Variants in ARL5A observed in about 807,000 individuals in gnomAD.
ARL5A encodes the protein ADP-ribosylation factor-like protein 5A.
In ARL5A, 18 loss-of-function variants were observed where a neutral mutation model predicts 25.9. The observed-to-expected ratio is 0.69, with a 90% confidence interval of 0.48 to 1.03. The LOEUF (loss-of-function observed/expected upper bound fraction) is 1.03, where lower values mean the gene tolerates loss of function less well. ARL5A is among the 50% of genes least tolerant of loss of function. The probability of loss-of-function intolerance (pLI) is 0.00; values close to 1 mark genes in which losing one functional copy is unlikely to be tolerated. For missense variants in ARL5A, 170 were observed against 211.9 expected, an observed-to-expected ratio of 0.80 and a Z score of 1.23; for synonymous variants, 61 against 67.5, an observed-to-expected ratio of 0.90 and a Z score of 0.47.
chr2:151,811,996 A>C (rs181924835), intron 4 of ARL5A, among the ~76,000 whole-genome samples: 176 of 152,342 alleles, frequency 1.2e-3, no homozygotes, highest in African/African-American at 4.2e-3. Context: ...ACAATCAAGA[A>C]TTGCTAAGCA....
At chr2:151,815,934 C>A (rs373365408) in intron 1 of ARL5A, among the ~76,000 whole-genome samples, 1 of 151,072 alleles carries the variant, frequency 6.6e-6, no homozygotes, top group Non-Finnish European at 1.5e-5. Context: ...CCAGCCTGTC[C>A]GAAAGCAATT....
intron 2 of ARL5A, among the ~76,000 whole-genome samples, chr2:151,814,581 C>T (rs80081608): frequency 0.013 from 2,015 of 151,802 alleles, 43 homozygotes; most frequent in East Asian, 0.061. Flanking sequence ...TTACCCAGGC[C>T]GGAGTGTAGT....
At chr2:151,808,064 T>C (rs1045629149) in intron 4 of ARL5A, among the ~76,000 whole-genome samples, 2 of 152,142 alleles carry the variant, frequency 1.3e-5, no homozygotes, top group Admixed American at 1.3e-4. Context: ...AACACACATA[T>C]GCATATACAC....
intron 1 of ARL5A, among the ~76,000 whole-genome samples, chr2:151,819,860 C>T (rs1274098684): frequency 2.0e-5 from 3 of 151,776 alleles, no homozygotes; most frequent in African/African-American, 7.3e-5. Context: ...TCAAGACCAG[C>T]CTGGCCAAGA....
In ARL5A at chr2:151,802,205, CCTTA is replaced by C. The variant is rs2099829517; in HGVS notation, c.*1067_*1070del. The stretch of plus-strand genomic sequence containing the variant: ...ATTATCAATGTTGCTCAGAAACATG[CCTTA>C]CTTTTACTCTGAAATTCACTTTAAC... On this transcript the variant is annotated 3_prime_UTR_variant, in exon 6 of 6. Coordinates refer to ENST00000295087, the MANE Select transcript of ARL5A (RefSeq NM_012097.4). 1 of 151,956 alleles carries C rather than the reference CCTTA, an allele frequency of 6.6e-6. No individual in the cohort carries two copies. The highest frequency in any genetic ancestry group is 2.4e-5 in the African/African-American group (1 of 41,408). The allele number at this position is 151,956 out of a possible 1,614,324, so 9.4% of individuals were successfully genotyped here.
At chr2:151,828,017 C>G (rs1451914580) in intron 1 of ARL5A, 114 bp downstream of exon 1, 22 of 1,176,470 alleles carry the variant, frequency 1.9e-5, no homozygotes, top group Non-Finnish European at 2.6e-5. Flanking sequence ...GCACCCCGCG[C>G]TGAGCTGGCG....
At chr2:151,811,941 G>T (rs939697058) in intron 4 of ARL5A, among the ~76,000 whole-genome samples, 2 of 152,158 alleles carry the variant, frequency 1.3e-5, no homozygotes, top group Non-Finnish European at 2.9e-5. Context: ...GACAATATCA[G>T]AGAAACCTAA....
At chr2:151,812,485 A>G (rs2099830965) in intron 3 of ARL5A, 45 bp from the exon 4 acceptor site, 2 of 1,288,924 alleles carry the variant, frequency 1.6e-6, no homozygotes, top group Non-Finnish European at 2.1e-6. Context: ...ACAATTTGGT[A>G]TCTGTAAAAT....
intron 3 of ARL5A, 152 bp downstream of exon 3, chr2:151,814,017 A>T: frequency 1.7e-6 from 1 of 601,616 alleles, no homozygotes. Flanking sequence ...TTGAACAATG[A>T]CCTTGGAATA....
At chr2:151,804,146 A>G (rs1199397346) in intron 5 of ARL5A, among the ~76,000 whole-genome samples, 4 of 152,204 alleles carry the variant, frequency 2.6e-5, no homozygotes, top group Non-Finnish European at 4.4e-5. Flanking sequence ...GTAGTTATTA[A>G]AACAAAGTAT....
intron 1 of ARL5A, among the ~76,000 whole-genome samples, chr2:151,826,284 A>C (rs1018461079): frequency 6.6e-6 from 1 of 152,230 alleles, no homozygotes; most frequent in Non-Finnish European, 1.5e-5. Flanking sequence ...TCTAGAACTT[A>C]ACTTCATTAA....
At chr2:151,820,683 A>AAC (rs1553734205) in intron 1 of ARL5A, among the ~76,000 whole-genome samples, 5 of 150,886 alleles carry the variant, frequency 3.3e-5, no homozygotes, top group Non-Finnish European at 1.5e-5. Flanking sequence ...AAAAAAAAAA[A>AAC]AACAGAATCC....
Position 151,828,119 on chromosome 2 carries a change from C to T in ARL5A, c.46+12G>A. On this transcript the variant is annotated intron_variant, in intron 1 of 5. Transcript: ENST00000295087. Reference sequence around the variant, plus strand: ...CTCCCCAACCCGTACGCCCGCGGACCGAGCTCCTCACCCTGGTGATTGAAC... The same window carrying T: ...CTCCCCAACCCGTACGCCCGCGGACTGAGCTCCTCACCCTGGTGATTGAAC... 1 of 1,609,324 alleles carries T rather than the reference C, an allele frequency of 6.2e-7. No individual in the cohort carries two copies. Among genetic ancestry groups the T allele is most frequent in the Non-Finnish European group, 8.5e-7 (1 of 1,177,724 alleles).
At chr2:151,804,343 T>C (rs2099829811) in intron 5 of ARL5A, among the ~76,000 whole-genome samples, 2 of 152,198 alleles carry the variant, frequency 1.3e-5, no homozygotes, top group African/African-American at 2.4e-5. Context: ...TTGTACACAT[T>C]AAGTTGCAAT....
At position 151,803,073 on chromosome 2, in the gene ARL5A, T is replaced by C. The variant is rs1578369586; in HGVS notation, c.*203A>G. On this transcript the variant is annotated 3_prime_UTR_variant, in exon 6 of 6. Coordinates refer to ENST00000295087, the MANE Select transcript of ARL5A (RefSeq NM_012097.4). ...AATGTCAATCACAGCTTCAATAACT[T>C]ACTTTGGAAAAAACTAATGAGAAAG... 4 of 525,434 alleles carry C rather than the reference T, an allele frequency of 7.6e-6. No homozygotes were observed. The highest frequency in any genetic ancestry group is 1.4e-5 in the Non-Finnish European group (4 of 292,662). The allele number at this position is 525,434 out of a possible 1,614,324, so 32.5% of individuals were successfully genotyped here.
intron 4 of ARL5A, among the ~76,000 whole-genome samples, chr2:151,808,187 C>A (rs968498923): frequency 6.6e-6 from 1 of 152,162 alleles, no homozygotes; most frequent in East Asian, 1.9e-4. Flanking sequence ...GCAAGTGAAA[C>A]CCTCATAAAA....
At chr2:151,803,376 G>T in intron 5 of ARL5A, 52 bp from the exon 6 acceptor site, 1 of 1,338,206 alleles carries the variant, frequency 7.5e-7, no homozygotes, top group Non-Finnish European at 1.1e-6. Context: ...GAAGCTATGA[G>T]CAGCAAACTA....
At chr2:151,813,075 T>A (rs897278607) in intron 3 of ARL5A, among the ~76,000 whole-genome samples, 2 of 152,192 alleles carry the variant, frequency 1.3e-5, no homozygotes, top group African/African-American at 4.8e-5. Flanking sequence ...CTCAACTCCG[T>A]GAGCACCCAA....
chr2:151,825,217 A>G (rs978606904), intron 1 of ARL5A, among the ~76,000 whole-genome samples: 1 of 152,082 alleles, frequency 6.6e-6, no homozygotes, highest in African/African-American at 2.4e-5. Context: ...GCTCTTCTAT[A>G]AAAAAAAGTT....
Sources: allele counts gnomAD v4.1 joint callset (sites outside exome capture counted in the v4.1 genomes callset), GRCh38; gene constraint gnomAD v4.1.1; transcripts MANE v1.5; gene names NCBI Gene and HGNC (gene_info 2026-07-23, HGNC 2026-07-21).